Variants in ARPC4 observed in about 807,000 individuals in gnomAD.
ARPC4 encodes actin-related protein 2/3 complex subunit 4.
In ARPC4, 3 loss-of-function variants were observed where a neutral mutation model predicts 22.8. That is an observed-to-expected ratio of 0.13 (90% CI 0.06 to 0.34). ARPC4 has a LOEUF of 0.34. ARPC4 is among the 10% of genes least tolerant of loss of function. The pLI, the probability that ARPC4 is intolerant of heterozygous loss-of-function variation, is 1.00. For synonymous variants in ARPC4, 80 were observed against 72.5 expected, an observed-to-expected ratio of 1.10 and a Z score of -0.52; for missense variants, 98 against 211.0, an observed-to-expected ratio of 0.46 and a Z score of 3.32.
rs2079061551 is a variant in ARPC4, at chr3:9,803,882, G to C, written c.370G>C (p.Glu124Gln). ...CTTTCTGATCACCAACTTCCACACA[G>C]AGCAGATGTACAAACACAAGTTGGT... ...ISFLITNFHT[E>Q]QMYKHKLVDF... The change falls in exon 5 of 6, where the codon GAG (glutamate) becomes CAG (glutamine). Residue 124 changes from glutamate to glutamine, a missense_variant. Physicochemically the swap from Glu to Gln is conservative, Grantham distance 29. Transcript: ENST00000397261. The C allele has an allele frequency of 3.7e-6, 6 of 1,614,226 alleles. No homozygotes were observed. The highest frequency in any genetic ancestry group is 2.2e-5 in the East Asian group (1 of 44,890).
upstream of ARPC4, chr3:9,792,800 G>A (rs1354232471): frequency 1.8e-5 from 23 of 1,277,960 alleles, no homozygotes; most frequent in Non-Finnish European, 1.8e-5. Flanking sequence ...CCAATCTGAA[G>A]CTGGGCTGTA....
intron 1 of ARPC4, among the ~76,000 whole-genome samples, chr3:9,797,445 A>T (rs1436703972): frequency 6.6e-6 from 1 of 152,208 alleles, no homozygotes; most frequent in East Asian, 1.9e-4. Context: ...GACATTACCA[A>T]ATGTACCCTG....
chr3:9,800,914 A>C (rs575760090), intron 3 of ARPC4, among the ~76,000 whole-genome samples: 1 of 151,428 alleles, frequency 6.6e-6, no homozygotes, highest in Non-Finnish European at 1.5e-5. Context: ...TCCTTTAGAA[A>C]TGTTGAGAGT....
At chr3:9,795,932 C>T (rs956102425) in intron 1 of ARPC4, among the ~76,000 whole-genome samples, 1 of 152,082 alleles carries the variant, frequency 6.6e-6, no homozygotes, top group Non-Finnish European at 1.5e-5. Context: ...CCCATCTCTA[C>T]TAAAAATACA....
At chr3:9,804,270 A>T (rs2079066571) in intron 5 of ARPC4, 2 of 383,948 alleles carry the variant, frequency 5.2e-6, no homozygotes, top group South Asian at 1.1e-4. Flanking sequence ...TTGGTCACTC[A>T]TTTCTACATC....
intron 2 of ARPC4, 44 bp from the exon 3 acceptor site, chr3:9,800,141 C>G (rs772494394): frequency 6.2e-7 from 1 of 1,602,988 alleles, no homozygotes; most frequent in South Asian, 1.1e-5. Context: ...TCTGACTATT[C>G]TATCCCTCTG....
At chr3:9,799,584 A>G (rs559547428) in intron 2 of ARPC4, among the ~76,000 whole-genome samples, 2 of 152,140 alleles carry the variant, frequency 1.3e-5, no homozygotes, top group South Asian at 4.1e-4. Context: ...CTGGGATTAT[A>G]GGAGTGCGCC....
At chr3:9,804,159 C>G in intron 5 of ARPC4, 146 bp downstream of exon 5, 1 of 857,388 alleles carries the variant, frequency 1.2e-6, no homozygotes, top group Non-Finnish European at 1.7e-6. Flanking sequence ...GCAGGTCAGT[C>G]AGGTGCTTTG....
At chr3:9,797,991 G>A in intron 2 of ARPC4, 1 of 554,020 alleles carries the variant, frequency 1.8e-6, no homozygotes, top group Non-Finnish European at 3.2e-6. Context: ...AGACAAGATT[G>A]GTTAACACAA....
chr3:9,794,943 C>T (rs1160667483), intron 1 of ARPC4, among the ~76,000 whole-genome samples: 3 of 152,084 alleles, frequency 2.0e-5, no homozygotes, highest in African/African-American at 4.8e-5. Context: ...AATAGTTACT[C>T]TTTTTTTATT....
chr3:9,806,520 T>A lies in ARPC4; in HGVS notation c.*305T>A. ...AGGATACTGTAACCTTTTTGTCTTT[T>A]TTTTTTTTTTTTTTTTTAAACCTCC... is the stretch of plus-strand genomic sequence containing the variant. On this transcript the variant is annotated 3_prime_UTR_variant, in exon 6 of 6. Coordinates refer to ENST00000397261, the MANE Select transcript of ARPC4 (RefSeq NM_005718.5). 6.9e-6 allele frequency: 2 copies of A among 289,674 alleles called. No homozygotes were observed. The highest frequency in any genetic ancestry group is 1.3e-5 in the Non-Finnish European group (2 of 151,178). 17.9% of individuals were successfully genotyped at this position (289,674 alleles called of 1,614,324 possible). A position where few individuals can be genotyped will look rare whatever the true frequency, so the allele number is the denominator to read the frequency against.
At chr3:9,806,156 G>A in intron 5 of ARPC4, 54 bp from the exon 6 acceptor site, 1 of 1,605,040 alleles carries the variant, frequency 6.2e-7, no homozygotes, top group South Asian at 1.1e-5. Flanking sequence ...TTAGAGCAGT[G>A]CCACCAGGAT....
rs1482592313 is a variant in ARPC4 at position 9,797,769 on chromosome 3, G to A, written c.114G>A (p.Val38=). The change falls in exon 2 of 6, where the codon GTG becomes GTA. Residue 38 remains valine (V), a synonymous_variant. Coordinates refer to ENST00000397261, the MANE Select transcript of ARPC4 (RefSeq NM_005718.5). ...QVVERHNKPE[V]EVRSSKELLL... is the part of the protein sequence containing the mutation. ...TGGAACGACACAACAAGCCGGAAGT[G>A]GAAGTCAGGTAGGGAAGGACAAGTC... is the stretch of plus-strand genomic sequence containing the variant. 2.5e-6 allele frequency: 4 copies of A among 1,613,942 alleles called. No homozygotes were observed. In the Middle Eastern group the frequency reaches 4.9e-4, roughly 200 times the overall value.
At chr3:9,797,973 AG>A (rs1263402729) in intron 2 of ARPC4, 196 bp downstream of exon 2, 2 of 588,596 alleles carry the variant, frequency 3.4e-6, no homozygotes, top group Non-Finnish European at 5.9e-6. Flanking sequence ...GACAGAACCC[AG>A]GGGAAAAGAC....
chr3:9,804,094 G>A, intron 5 of ARPC4, 81 bp downstream of exon 5: 2 of 1,515,062 alleles, frequency 1.3e-6, no homozygotes, highest in Admixed American at 1.8e-5. Context: ...TGGTGGGAAA[G>A]GGGTCCAAGC....
chr3:9,797,354 T>G (rs2078917633), intron 1 of ARPC4, among the ~76,000 whole-genome samples: 1 of 152,200 alleles, frequency 6.6e-6, no homozygotes, highest in African/African-American at 2.4e-5. Context: ...TTCCCCTTCT[T>G]GCCAAGTCAT....
chr3:9,797,376 A>T (rs1037112518), intron 1 of ARPC4, among the ~76,000 whole-genome samples: 24 of 152,244 alleles, frequency 1.6e-4, no homozygotes, highest in African/African-American at 5.5e-4. Context: ...ACAATTGAAA[A>T]TGTCTCAGCA....
At chr3:9,793,702 C>T (rs1334420541) in intron 1 of ARPC4, among the ~76,000 whole-genome samples, 2 of 152,104 alleles carry the variant, frequency 1.3e-5, no homozygotes, top group Non-Finnish European at 2.9e-5. Flanking sequence ...TGTGATACTG[C>T]TCATCCCTCC....
chr3:9,796,224 T>C (rs1387558554), intron 1 of ARPC4, among the ~76,000 whole-genome samples: 1 of 152,048 alleles, frequency 6.6e-6, no homozygotes, highest in Non-Finnish European at 1.5e-5. Context: ...TGAAACTCCG[T>C]CTCTACTAAA....
Sources: allele counts gnomAD v4.1 joint callset (sites outside exome capture counted in the v4.1 genomes callset), GRCh38; gene constraint gnomAD v4.1.1; transcripts MANE v1.5; gene names NCBI Gene and HGNC (gene_info 2026-07-23, HGNC 2026-07-21).